ZNF267: variants seen among roughly 807,000 people sequenced by gnomAD.
The protein encoded by ZNF267 is zinc finger protein 267, also known as zinc finger (C2H2).
A neutral mutation model predicts 71.6 loss-of-function variants in ZNF267; 61 were observed. That is an observed-to-expected ratio of 0.85 (90% confidence interval 0.69 to 1.05). ZNF267 has a LOEUF of 1.05. Among genes scored for constraint, ZNF267 ranks in the 50% least tolerant of loss-of-function variants. ZNF267 has a pLI of 0.00. For synonymous variants in ZNF267, 288 were observed against 293.2 expected (o/e 0.98, Z 0.18); for missense variants, 852 against 870.0 (o/e 0.98, Z 0.26).
intron 1 of ZNF267, among the ~76,000 whole-genome samples, chr16:31,878,771 A>T (rs571510928): frequency 1.3e-5 from 2 of 152,180 alleles, no homozygotes; most frequent in Non-Finnish European, 1.5e-5. Context: ...CCCCTTCTTT[A>T]TGTGTACACG....
chr16:31,881,323 CAAAT>C (rs1454909047), intron 1 of ZNF267, among the ~76,000 whole-genome samples: 16 of 152,036 alleles, frequency 1.1e-4, no homozygotes, highest in Non-Finnish European at 2.4e-4. Flanking sequence ...CAGCTCTGCC[CAAAT>C]CCAGCCTCTT....
rs1317771417 is a variant in ZNF267, at chr16:31,916,736, A to G, written c.*255A>G. 5 of 383,312 alleles carry G rather than the reference A, an allele frequency of 1.3e-5. No individual in the cohort carries two copies. Among genetic ancestry groups the G allele is most frequent in the Admixed American group, 4.2e-5 (1 of 23,786 alleles). The allele number at this position is 383,312 out of a possible 1,614,324, so 23.7% of individuals were successfully genotyped here. On this transcript the variant is annotated 3_prime_UTR_variant, in exon 4 of 4. Coordinates refer to ENST00000300870, the MANE Select transcript of ZNF267 (RefSeq NM_003414.6). ...CTAGAGAAACACTATAGATGTAAAA[A>G]TGTGAAAAGTTTTATTCAAAATATC... is the stretch of plus-strand genomic sequence containing the variant.
intron 3 of ZNF267, among the ~76,000 whole-genome samples, chr16:31,906,385 C>T (rs1029627679): frequency 2.0e-4 from 30 of 152,326 alleles, no homozygotes; most frequent in East Asian, 1.4e-3. Flanking sequence ...GTGGAGTCTA[C>T]GGAGGCAGGC....
intron 1 of ZNF267, chr16:31,875,059 CTG>C (rs2083842476): frequency 2.5e-6 from 3 of 1,204,488 alleles, no homozygotes; most frequent in Admixed American, 2.3e-5. Flanking sequence ...GCAAAAAAAA[CTG>C]TGCCTCTTTT....
chr16:31,911,152 G>A (rs541497260), intron 3 of ZNF267, among the ~76,000 whole-genome samples: 1 of 151,616 alleles, frequency 6.6e-6, no homozygotes, highest in African/African-American at 2.4e-5. Context: ...TGTGTGTTCT[G>A]TAGCCATTAG....
At chr16:31,875,441 G>A in intron 1 of ZNF267, 2 of 713,406 alleles carry the variant, frequency 2.8e-6, no homozygotes, top group Non-Finnish European at 3.9e-6. Context: ...TCATCCCTTG[G>A]AGACACATTG....
chr16:31,908,030 A>G (rs2084105349), intron 3 of ZNF267, among the ~76,000 whole-genome samples: 1 of 151,896 alleles, frequency 6.6e-6, no homozygotes, highest in Non-Finnish European at 1.5e-5. Context: ...GTGACAACGC[A>G]AGACTCTGTC....
chr16:31,878,784 G>A (rs2083870125), intron 1 of ZNF267, among the ~76,000 whole-genome samples: 1 of 152,136 alleles, frequency 6.6e-6, no homozygotes, highest in Non-Finnish European at 1.5e-5. Context: ...TGTACACGGT[G>A]TTCCCAAGGT....
rs2142365449 is a variant in ZNF267 at position 31,915,803 on chromosome 16, T to C, written c.1554T>C (p.Asn518=). Residue 518 remains asparagine (N), a synonymous_variant, in exon 4 of 4, where the codon AAT becomes AAC. Transcript: ENST00000300870. ...ATCGGAAAATTCATACTGGAGAAAA[T>C]CTTTACAAATGCAAAGTATGTGCTA... ...TQHRKIHTGE[N]LYKCKVCAKP... 6.2e-7 allele frequency: 1 copy of C among 1,612,678 alleles called. No individual in the cohort carries two copies. The highest frequency in any genetic ancestry group is 1.1e-5 in the South Asian group (1 of 91,044).
chr16:31,882,656 C>T (rs973302164), intron 1 of ZNF267, among the ~76,000 whole-genome samples: 20 of 152,184 alleles, frequency 1.3e-4, no homozygotes, highest in African/African-American at 4.6e-4. Flanking sequence ...GATCTATGGT[C>T]ACCTGTATCT....
chr16:31,914,697 C>G lies in ZNF267; in HGVS notation c.448C>G (p.Gln150Glu). The change falls in exon 4 of 4, where the codon CAG becomes GAG. Residue 150 changes from glutamine (Q) to glutamate (E), a missense_variant. Transcript: ENST00000300870. ...ATCCTCTGTTGAAAGTTTGTTTCACCAGCAAATACTTTCTTCTTGTGCCAA... is the reference window on the plus strand; with the variant it reads ...ATCCTCTGTTGAAAGTTTGTTTCACGAGCAAATACTTTCTTCTTGTGCCAA... ...DESSVESLFH[Q>E]QILSSCAKSY... The G allele has an allele frequency of 2.5e-6, 4 of 1,614,010 alleles. No individual in the cohort carries two copies. The highest frequency in any genetic ancestry group is 3.4e-6 in the Non-Finnish European group (4 of 1,179,972).
chr16:31,891,615 C>G (rs2083960854), intron 3 of ZNF267, among the ~76,000 whole-genome samples: 1 of 152,112 alleles, frequency 6.6e-6, no homozygotes, highest in African/African-American at 2.4e-5. Flanking sequence ...GAATAAGTCT[C>G]ACGAGATCTG....
intron 3 of ZNF267, among the ~76,000 whole-genome samples, chr16:31,905,605 C>T (rs371968306): frequency 6.6e-6 from 1 of 152,134 alleles, no homozygotes; most frequent in South Asian, 2.1e-4. Context: ...GCATTCGTCA[C>T]GTAGTTCGTG....
intron 3 of ZNF267, among the ~76,000 whole-genome samples, chr16:31,906,249 G>A (rs1380766353): frequency 6.6e-6 from 1 of 152,258 alleles, no homozygotes; most frequent in Admixed American, 6.5e-5. Flanking sequence ...GAGGCAGTCT[G>A]CCCATTCTCA....
At position 31,873,989 on chromosome 16, in the gene ZNF267, G is replaced by T; in HGVS notation, c.3+20G>T. ...GAAATGGTGAGTGTGCGGGGTCGGG[G>T]GTCCCCAGAGGGAGGGAGGGCGGTG... On this transcript the variant is annotated intron_variant, in intron 1 of 3. Transcript: ENST00000300870. 1 of 1,609,080 alleles carries T rather than the reference G, an allele frequency of 6.2e-7. No homozygotes were observed. Among genetic ancestry groups the T allele is most frequent in the Non-Finnish European group, 8.5e-7 (1 of 1,176,384 alleles).
Position 31,914,636 on chromosome 16 carries a change from T to A in ZNF267, c.387T>A (p.Tyr129Ter). ...AGTGTGAAGGGCACAATGGATGTTA[T>A]GATGAAAAGACTTTTAAATATGATC... Reference protein sequence around the residue: ...REECEGHNGCYDEKTFKYDQF... With the variant: ...REECEGHNGC Residue 129 changes from tyrosine (Y) to a stop codon, truncating the protein, a stop_gained, in exon 4 of 4, where the codon TAT becomes TAA. Coordinates refer to ENST00000300870, the MANE Select transcript of ZNF267 (RefSeq NM_003414.6). LOFTEE classifies it high-confidence loss of function. 6.2e-7 allele frequency: 1 copy of A among 1,614,090 alleles called. No homozygotes were observed. Among genetic ancestry groups the A allele is most frequent in the Non-Finnish European group, 8.5e-7 (1 of 1,179,998 alleles).
At chr16:31,898,452 T>C (rs1452974575) in intron 3 of ZNF267, among the ~76,000 whole-genome samples, 3 of 152,102 alleles carry the variant, frequency 2.0e-5, no homozygotes, top group Non-Finnish European at 4.4e-5. Flanking sequence ...AAGTAATTAC[T>C]GAAAGGGAAT....
chr16:31,895,641 A>G (rs962414752), intron 3 of ZNF267, among the ~76,000 whole-genome samples: 4 of 152,032 alleles, frequency 2.6e-5, no homozygotes, highest in East Asian at 1.9e-4. Context: ...TTTTGTTATT[A>G]TGTTTTGTCT....
At chr16:31,893,656 G>A (rs1372200694) in intron 3 of ZNF267, among the ~76,000 whole-genome samples, 1 of 152,210 alleles carries the variant, frequency 6.6e-6, no homozygotes. Flanking sequence ...GGGCACAGAT[G>A]TGTGTGCCTT....
Sources: gnomAD v4.1 joint callset for allele counts (sites outside exome capture counted in the v4.1 genomes callset) on GRCh38, gnomAD v4.1.1 for gene constraint, MANE v1.5 for transcripts, NCBI Gene and HGNC (gene_info 2026-07-23, HGNC 2026-07-21) for gene names.